ALPL: variants seen among roughly 807,000 people sequenced by gnomAD.
ALPL encodes alkaline phosphatase, biomineralization associated, also known as alkaline phosphatase, tissue-nonspecific isozyme.
ALPL carries 42 observed loss-of-function variants against 51.3 expected under a neutral mutation model. The ratio of observed to expected loss-of-function variants is 0.82; its 90% CI spans 0.64 to 1.06. The LOEUF (loss-of-function observed/expected upper bound fraction) is 1.06. ALPL is among the 50% of genes least tolerant of loss of function. The pLI, the probability that ALPL is intolerant of heterozygous loss-of-function variation, is 0.00. For missense variants in ALPL, 589 were observed against 709.4 expected (o/e 0.83, Z 1.93); for synonymous variants, 279 against 296.4 (o/e 0.94, Z 0.60).
chr1:21,522,358 G>A lies in ALPL; in HGVS notation c.-105+12841G>A, dbSNP rs140556396. Among the ~76,000 whole-genome samples, 534 of 152,332 alleles carry A rather than the reference G, an allele frequency of 3.5e-3. 2 individuals carry two copies. The highest frequency in any genetic ancestry group is 0.012 in the African/African-American group (500 of 41,564). On this transcript the variant is annotated intron_variant, in intron 1 of 11. Coordinates refer to ENST00000374840, the MANE Select transcript of ALPL (RefSeq NM_000478.6). ...CAAAGTGCTGGGATTACAGGCGTGA[G>A]CCACTGCACCCGGCCAGGTTTGTTT...
chr1:21,540,222 G>T (rs771266233), intron 1 of ALPL, among the ~76,000 whole-genome samples: 1 of 152,220 alleles, frequency 6.6e-6, no homozygotes, highest in South Asian at 2.1e-4. Flanking sequence ...GCCATGCTCC[G>T]CCCCCGACCC....
chr1:21,554,058 A>T lies in ALPL; in HGVS notation c.-24A>T. The T allele has an allele frequency of 1.7e-6, 2 of 1,189,628 alleles. No individual in the cohort carries two copies. The highest frequency in any genetic ancestry group is 8.5e-5 in the East Asian group (2 of 23,474). The allele number at this position is 1,189,628 out of a possible 1,614,324, so 73.7% of individuals were successfully genotyped here. A position where few individuals can be genotyped will look rare whatever the true frequency, so the allele number is the denominator to read the frequency against. ...TCGATTGCATCTCTGGGCTCCAGGGATAAAGCAGGTCTTGGGGTGCACCAT... is the reference window on the plus strand; with the variant it reads ...TCGATTGCATCTCTGGGCTCCAGGGTTAAAGCAGGTCTTGGGGTGCACCAT... On this transcript the variant is annotated 5_prime_UTR_variant, in exon 2 of 12. Coordinates refer to ENST00000374840, the MANE Select transcript of ALPL (RefSeq NM_000478.6).
At chr1:21,532,559 A>G (rs1475341202) in intron 1 of ALPL, among the ~76,000 whole-genome samples, 3 of 152,230 alleles carry the variant, frequency 2.0e-5, no homozygotes, top group Non-Finnish European at 4.4e-5. Context: ...AAGGAAAAAC[A>G]TTTGCAGCAT....
chr1:21,529,928 C>T (rs1170826897), intron 1 of ALPL, among the ~76,000 whole-genome samples: 5 of 152,056 alleles, frequency 3.3e-5, no homozygotes, highest in Non-Finnish European at 7.4e-5. Context: ...TGCACCACCA[C>T]GGCCAGCTAA....
chr1:21,564,139 G>C lies in ALPL; in HGVS notation c.571G>C (p.Glu191Gln), dbSNP rs121918007. ...TGACCGGGACTGGTACTCAGACAACGAGATGCCCCCTGAGGCCTTGAGCCA... is the reference window on the plus strand; with the variant it reads ...TGACCGGGACTGGTACTCAGACAACCAGATGCCCCCTGAGGCCTTGAGCCA... Reference protein sequence around the residue: ...SADRDWYSDNEMPPEALSQGC... With the variant: ...SADRDWYSDNQMPPEALSQGC... The change falls in exon 6 of 12, where the codon GAG (glutamate) becomes CAG (glutamine). Residue 191 changes from glutamate to glutamine, a missense_variant. Transcript: ENST00000374840. The surrounding 1 kb of genome is among the most constrained non-coding windows in gnomAD (Gnocchi z 5.8). The C allele has an allele frequency of 1.9e-6, 3 of 1,614,076 alleles. No homozygotes were observed. The highest frequency in any genetic ancestry group is 2.5e-6 in the Non-Finnish European group (3 of 1,180,004).
chr1:21,532,773 A>G (rs1157649815), intron 1 of ALPL, among the ~76,000 whole-genome samples: 2 of 152,088 alleles, frequency 1.3e-5, no homozygotes, highest in African/African-American at 2.4e-5. Flanking sequence ...CTGCTGAAAC[A>G]CTTCAGCACA....
rs753716865 is a variant in ALPL, at chr1:21,577,655, A to G, written c.*7A>G. On this transcript the variant is annotated 3_prime_UTR_variant, in exon 12 of 12. Coordinates refer to ENST00000374840, the MANE Select transcript of ALPL (RefSeq NM_000478.6). ...CCTGAGCGTCCTGTTCTGAGGGCCCAGGGCCCGGGCACCCACAAGCCCGTG... is the reference window on the plus strand; with the variant it reads ...CCTGAGCGTCCTGTTCTGAGGGCCCGGGGCCCGGGCACCCACAAGCCCGTG... 7 of 1,594,984 alleles carry G rather than the reference A, an allele frequency of 4.4e-6. No homozygotes were observed. The highest frequency in any genetic ancestry group is 5.1e-6 in the Non-Finnish European group (6 of 1,177,970).
intron 1 of ALPL, among the ~76,000 whole-genome samples, chr1:21,520,369 A>G (rs1331187544): frequency 6.6e-6 from 1 of 151,672 alleles, no homozygotes; most frequent in Non-Finnish European, 1.5e-5. Flanking sequence ...GGCTCAGGCA[A>G]TCCTCCCACC....
intron 1 of ALPL, among the ~76,000 whole-genome samples, chr1:21,534,140 A>C (rs1164512104): frequency 6.6e-6 from 1 of 152,066 alleles, no homozygotes; most frequent in African/African-American, 2.4e-5. Flanking sequence ...GTGTGCCACC[A>C]TGCCTGGCTA....
intron 2 of ALPL, among the ~76,000 whole-genome samples, chr1:21,557,499 C>G (rs1382026135): frequency 1.3e-5 from 2 of 152,226 alleles, no homozygotes; most frequent in East Asian, 3.8e-4. Context: ...TCAGCACTTA[C>G]AGCCCACCTG....
chr1:21,524,740 G>A (rs1643919334), intron 1 of ALPL, among the ~76,000 whole-genome samples: 1 of 152,198 alleles, frequency 6.6e-6, no homozygotes, highest in South Asian at 2.1e-4. Flanking sequence ...CAGGAGTTGA[G>A]CAAATAGCAG....
At chr1:21,518,316 G>A (rs941078832) in intron 1 of ALPL, among the ~76,000 whole-genome samples, 3 of 151,998 alleles carry the variant, frequency 2.0e-5, no homozygotes, top group East Asian at 1.9e-4. Flanking sequence ...CGACACTGAC[G>A]GACCACTTGT....
At chr1:21,573,388 GA>G in intron 8 of ALPL, among the ~76,000 whole-genome samples, 1 of 148,326 alleles carries the variant, frequency 6.7e-6, no homozygotes. Flanking sequence ...AGGGAGCCGA[GA>G]TCGCACCACT....
chr1:21,546,437 C>G (rs1185219318), intron 1 of ALPL, among the ~76,000 whole-genome samples: 1 of 152,154 alleles, frequency 6.6e-6, no homozygotes, highest in East Asian at 1.9e-4. Context: ...CTGTGCATAT[C>G]CAAGTGGCTT....
At chr1:21,544,942 T>TA (rs1034661705) in intron 1 of ALPL, among the ~76,000 whole-genome samples, 2 of 151,416 alleles carry the variant, frequency 1.3e-5, no homozygotes, top group African/African-American at 2.4e-5. Flanking sequence ...ATTCCAACAT[T>TA]AAAAAAAATA....
intron 1 of ALPL, among the ~76,000 whole-genome samples, chr1:21,520,942 G>A (rs1217190113): frequency 3.3e-5 from 5 of 152,190 alleles, no homozygotes; most frequent in African/African-American, 9.6e-5. Context: ...TGTGTCTCCA[G>A]TCTCTCTCAT....
At position 21,573,446 on chromosome 1, in the gene ALPL, AAAG is replaced by A. The variant is rs563604856; in HGVS notation, c.863-216_863-214del. On this transcript the variant is annotated intron_variant, in intron 8 of 11. Transcript: ENST00000374840. ...AGTGAGACTCTGTCTCAAAAAAAAA[AAAG>A]AAAAGAAAAGAAAAAGAAAAAAGAA... Among the ~76,000 whole-genome samples, 22,285 of 145,204 alleles carry A rather than the reference AAAG, an allele frequency of 0.15. 2,038 individuals are homozygous for A. The highest frequency in any genetic ancestry group is 0.41 in the East Asian group (1,903 of 4,646).
At chr1:21,566,192 C>T (rs949805843) in intron 6 of ALPL, among the ~76,000 whole-genome samples, 11 of 152,200 alleles carry the variant, frequency 7.2e-5, no homozygotes, top group Non-Finnish European at 1.3e-4. Context: ...AAATGCCTTC[C>T]AGTGGCAGCC....
chr1:21,525,123 TC>T (rs1201975581), intron 1 of ALPL, among the ~76,000 whole-genome samples: 1 of 152,230 alleles, frequency 6.6e-6, no homozygotes, highest in African/African-American at 2.4e-5. Context: ...AACAACCAAA[TC>T]CCTGGGCTGG....
Sources: allele counts gnomAD v4.1 joint callset (sites outside exome capture counted in the v4.1 genomes callset), GRCh38; gene constraint gnomAD v4.1.1; non-coding constraint Gnocchi (gnomAD v3.1); transcripts MANE v1.5; gene names NCBI Gene and HGNC (gene_info 2026-07-23, HGNC 2026-07-21).